VPS45: variants seen among roughly 807,000 people sequenced by gnomAD.
The protein encoded by VPS45 is vacuolar protein sorting 45 homolog.
Under a neutral mutation model 75.9 loss-of-function variants are expected in VPS45, and 35 were observed. That is an observed-to-expected ratio of 0.46 (90% confidence interval 0.35 to 0.61). The LOEUF (loss-of-function observed/expected upper bound fraction) is 0.61, where lower values mean the gene tolerates loss of function less well. Among genes scored for constraint, VPS45 ranks in the 20% least tolerant of loss-of-function variants. The probability of loss-of-function intolerance (pLI) is 0.00; values close to 1 mark genes in which losing one functional copy is unlikely to be tolerated. For missense variants in VPS45, 559 were observed against 685.9 expected (o/e 0.81, Z 2.07); for synonymous variants, 220 against 238.2 (o/e 0.92, Z 0.70).
chr1:150,110,967 A>G (rs2101609969), intron 14 of VPS45, among the ~76,000 whole-genome samples: 1 of 152,274 alleles, frequency 6.6e-6, no homozygotes, highest in South Asian at 2.1e-4. Flanking sequence ...GTTTTTTTTA[A>G]AGAGGGAGAA....
At chr1:150,128,755 A>G (rs1553811469) in intron 14 of VPS45, among the ~76,000 whole-genome samples, 3 of 129,570 alleles carry the variant, frequency 2.3e-5, no homozygotes, top group Non-Finnish European at 5.0e-5. Flanking sequence ...TTTTTTTTTC[A>G]GTGAGACAGA....
chr1:150,076,369 G>A, intron 4 of VPS45, 57 bp downstream of exon 4: 1 of 1,398,372 alleles, frequency 7.2e-7, no homozygotes, highest in Non-Finnish European at 9.8e-7. Context: ...AAATATTTGA[G>A]TCTAAAAATA....
intron 13 of VPS45, among the ~76,000 whole-genome samples, chr1:150,096,909 T>C (rs1052421757): frequency 3.3e-5 from 5 of 152,016 alleles, no homozygotes; most frequent in Non-Finnish European, 7.4e-5. Context: ...GGATGTTCAC[T>C]GAAGTAATAG....
At chr1:150,120,068 A>C (rs1042471401) in intron 14 of VPS45, among the ~76,000 whole-genome samples, 1 of 151,948 alleles carries the variant, frequency 6.6e-6, no homozygotes, top group African/African-American at 2.4e-5. Context: ...AGATCGCGCC[A>C]TCGCACTCCA....
intron 14 of VPS45, among the ~76,000 whole-genome samples, chr1:150,127,898 G>C (rs1182640483): frequency 6.6e-6 from 1 of 152,054 alleles, no homozygotes; most frequent in Non-Finnish European, 1.5e-5. Flanking sequence ...ACCAAAGCTG[G>C]GGAAAAAATA....
At chr1:150,082,479 A>C in intron 9 of VPS45, among the ~76,000 whole-genome samples, 1 of 146,408 alleles carries the variant, frequency 6.8e-6, no homozygotes, top group Non-Finnish European at 1.5e-5. Flanking sequence ...ACGCCACTAC[A>C]CTCCAGCCTG....
intron 14 of VPS45, among the ~76,000 whole-genome samples, chr1:150,112,635 A>G (rs1657706079): frequency 1.3e-5 from 2 of 152,136 alleles, no homozygotes; most frequent in South Asian, 2.1e-4. Context: ...AATTTGATTC[A>G]ATTCTGACAC....
intron 13 of VPS45, among the ~76,000 whole-genome samples, chr1:150,099,668 C>A (rs12239033): frequency 6.6e-6 from 1 of 151,480 alleles, no homozygotes; most frequent in African/African-American, 2.4e-5. Flanking sequence ...CCTGTCTCTA[C>A]TAAAAATACA....
intron 4 of VPS45, 48 bp downstream of exon 4, chr1:150,076,360 A>T (rs1269282681): frequency 6.9e-7 from 1 of 1,445,086 alleles, no homozygotes; most frequent in Non-Finnish European, 9.4e-7. Context: ...GCCCTTTTTA[A>T]ATATTTGAGT....
chr1:150,073,301 G>C (rs1165199209), intron 3 of VPS45, among the ~76,000 whole-genome samples: 2 of 152,072 alleles, frequency 1.3e-5, no homozygotes, highest in Non-Finnish European at 2.9e-5. Flanking sequence ...TAGAGTTTTA[G>C]GGTTTAGACT....
chr1:150,121,671 G>A (rs1305323268), intron 14 of VPS45, among the ~76,000 whole-genome samples: 4 of 152,232 alleles, frequency 2.6e-5, no homozygotes, highest in East Asian at 1.9e-4. Flanking sequence ...TTTCATCAAC[G>A]TCTATCTAGA....
chr1:150,116,249 G>A (rs1300597357), intron 14 of VPS45, among the ~76,000 whole-genome samples: 1 of 152,116 alleles, frequency 6.6e-6, no homozygotes, highest in Non-Finnish European at 1.5e-5. Flanking sequence ...TGAGGGTTTT[G>A]TACCTAATTC....
At chr1:150,142,851 C>T (rs587697335) in intron 14 of VPS45, 1 of 451,294 alleles carries the variant, frequency 2.2e-6, no homozygotes, top group East Asian at 7.1e-5. Flanking sequence ...TGGGGTTTCA[C>T]TATGTTCCCC....
chr1:150,123,524 A>T (rs1443275760), intron 14 of VPS45, among the ~76,000 whole-genome samples: 2 of 152,236 alleles, frequency 1.3e-5, no homozygotes, highest in Admixed American at 6.5e-5. Context: ...CACCTGCAAT[A>T]AACTGAGCCA....
chr1:150,131,291 C>T lies in VPS45; in HGVS notation c.1626-13418C>T, dbSNP rs587631544. ...TGGGAAGCCGAGGCAGGTGGATTGC[C>T]TGAGGTCAGGAGTTTGAAACCAGCC... is the stretch of plus-strand genomic sequence containing the variant. On this transcript the variant is annotated intron_variant, in intron 14 of 14. Transcript: ENST00000644510. 3.1e-4 allele frequency among the ~76,000 whole-genome samples: 47 copies of T among 152,218 alleles called. No individual in the cohort carries two copies. In the South Asian group the frequency reaches 8.9e-3, roughly 29 times the overall value.
chr1:150,088,077 C>T (rs1553801093), intron 10 of VPS45, among the ~76,000 whole-genome samples: 1 of 152,116 alleles, frequency 6.6e-6, no homozygotes, highest in African/African-American at 2.4e-5. Context: ...GCGATAAGAA[C>T]ATTTAAAAAC....
intron 3 of VPS45, among the ~76,000 whole-genome samples, chr1:150,073,971 G>C (rs1031589599): frequency 1.3e-5 from 2 of 151,130 alleles, no homozygotes; most frequent in African/African-American, 4.9e-5. Context: ...ATAATTCTCT[G>C]GAGAGTCATC....
At chr1:150,130,025 T>G (rs1658742555) in intron 14 of VPS45, among the ~76,000 whole-genome samples, 1 of 151,734 alleles carries the variant, frequency 6.6e-6, no homozygotes. Context: ...ATCTGTCTAA[T>G]CTATCTATCT....
At chr1:150,097,507 T>G (rs1656733621) in intron 13 of VPS45, among the ~76,000 whole-genome samples, 1 of 151,258 alleles carries the variant, frequency 6.6e-6, no homozygotes, top group South Asian at 2.1e-4. Context: ...TTCTTTGAGG[T>G]CAGGAGTTTG....
Sources: allele counts gnomAD v4.1 joint callset (sites outside exome capture counted in the v4.1 genomes callset), GRCh38; gene constraint gnomAD v4.1.1; transcripts MANE v1.5; gene names NCBI Gene and HGNC (gene_info 2026-07-23, HGNC 2026-07-21).